Variants in SCAPER observed in about 807,000 individuals in gnomAD.
SCAPER encodes the protein S-phase cyclin A associated protein in the ER.
Under a neutral mutation model 182.2 loss-of-function variants are expected in SCAPER, and 98 were observed. That is an observed-to-expected ratio of 0.54 (90% CI 0.46 to 0.64). The LOEUF (loss-of-function observed/expected upper bound fraction) is 0.64. Among genes scored for constraint, SCAPER ranks in the 30% least tolerant of loss-of-function variants. The pLI, the probability that SCAPER is intolerant of heterozygous loss-of-function variation, is 0.00. For missense variants in SCAPER, 1,432 were observed against 1,690.0 expected, an observed-to-expected ratio of 0.85 and a Z score of 2.68; for synonymous variants, 605 against 564.6, an observed-to-expected ratio of 1.07 and a Z score of -1.01.
chr15:76,880,949 T>C (rs1391792159), intron 2 of SCAPER, among the ~76,000 whole-genome samples: 1 of 152,186 alleles, frequency 6.6e-6, no homozygotes, highest in Non-Finnish European at 1.5e-5. Flanking sequence ...TTGTGCACTG[T>C]TGGTGGGAAT....
chr15:76,531,270 C>T (rs2043638576), intron 23 of SCAPER, among the ~76,000 whole-genome samples: 1 of 152,244 alleles, frequency 6.6e-6, no homozygotes, highest in Admixed American at 6.5e-5. Context: ...ATCAGAAAAT[C>T]AAACCACTTG....
chr15:76,728,331 C>T (rs2060714486), intron 17 of SCAPER, among the ~76,000 whole-genome samples: 1 of 151,904 alleles, frequency 6.6e-6, no homozygotes, highest in African/African-American at 2.4e-5. Context: ...CCCTCAGTAT[C>T]TTCCCCAAAA....
intron 27 of SCAPER, among the ~76,000 whole-genome samples, chr15:76,397,700 C>T (rs1432532712): frequency 1.3e-5 from 2 of 152,106 alleles, no homozygotes; most frequent in African/African-American, 4.8e-5. Context: ...TGGTCTTGAA[C>T]TCCTGACCTC....
At chr15:76,567,921 C>T (rs1477711056) in intron 23 of SCAPER, among the ~76,000 whole-genome samples, 1 of 151,908 alleles carries the variant, frequency 6.6e-6, no homozygotes, top group Non-Finnish European at 1.5e-5. Context: ...TCTTTTGTGT[C>T]ATTTTCTTGT....
Position 76,733,273 on chromosome 15 carries a change from G to A in SCAPER, c.1978C>T (p.Gln660Ter). 1 of 1,602,504 alleles carries A rather than the reference G, an allele frequency of 6.2e-7. No individual in the cohort carries two copies. Among genetic ancestry groups the A allele is most frequent in the Non-Finnish European group, 8.5e-7 (1 of 1,173,978 alleles). ...QRLNELQEERQRRQEEKQARD... is the reference protein window; with the variant it reads ...QRLNELQEER Reference sequence around the variant, plus strand: ...GCTTGCTTTTCTTCCTGTCTTCTCTGACGCTCTTCCTGTAGCTCATTAAGC... The same window carrying A: ...GCTTGCTTTTCTTCCTGTCTTCTCTAACGCTCTTCCTGTAGCTCATTAAGC... Residue 660 changes from glutamine (Q) to a stop codon, truncating the protein, a stop_gained, in exon 16 of 32, where the codon CAG (glutamine) becomes TAG (stop). Transcript: ENST00000563290. LOFTEE classifies it high-confidence loss of function.
At chr15:76,724,569 G>A (rs1159148409) in intron 17 of SCAPER, among the ~76,000 whole-genome samples, 1 of 152,140 alleles carries the variant, frequency 6.6e-6, no homozygotes, top group Non-Finnish European at 1.5e-5. Flanking sequence ...ACACCAATGA[G>A]ACGTAGATTT....
chr15:76,443,144 T>C (rs995325776), intron 25 of SCAPER, among the ~76,000 whole-genome samples: 3 of 152,296 alleles, frequency 2.0e-5, no homozygotes, highest in Middle Eastern at 3.4e-3. Flanking sequence ...AAGTTGATTA[T>C]CTAGTTCATC....
At chr15:76,373,699 T>C (rs1271875128) in intron 29 of SCAPER, among the ~76,000 whole-genome samples, 3 of 152,202 alleles carry the variant, frequency 2.0e-5, no homozygotes, top group Non-Finnish European at 4.4e-5. Context: ...ACTGTCTATA[T>C]TTTAGCCATG....
intron 26 of SCAPER, among the ~76,000 whole-genome samples, chr15:76,420,757 C>T (rs1242655654): frequency 1.3e-5 from 2 of 152,158 alleles, no homozygotes; most frequent in Non-Finnish European, 2.9e-5. Context: ...TCTCCTAATG[C>T]TATCCCTCCA....
chr15:76,364,553 C>T (rs2041678450), intron 29 of SCAPER, among the ~76,000 whole-genome samples: 1 of 152,106 alleles, frequency 6.6e-6, no homozygotes, highest in Non-Finnish European at 1.5e-5. Flanking sequence ...AGTGAGATGG[C>T]CCCTGACCAG....
intron 20 of SCAPER, among the ~76,000 whole-genome samples, chr15:76,686,704 C>T (rs1158508064): frequency 6.6e-6 from 1 of 152,024 alleles, no homozygotes; most frequent in African/African-American, 2.4e-5. Flanking sequence ...CAAAACAGTA[C>T]AGCAACCAAA....
intron 5 of SCAPER, among the ~76,000 whole-genome samples, chr15:76,825,839 G>T (rs914961480): frequency 6.6e-6 from 1 of 152,122 alleles, no homozygotes; most frequent in Non-Finnish European, 1.5e-5. Context: ...CTCCCTCCTG[G>T]GTTTAAGCAA....
chr15:76,866,948 G>A (rs928143777), intron 2 of SCAPER, among the ~76,000 whole-genome samples: 13 of 152,034 alleles, frequency 8.6e-5, no homozygotes, highest in East Asian at 5.8e-4. Context: ...ACAGAGGCCT[G>A]TTCAAATACT....
intron 5 of SCAPER, among the ~76,000 whole-genome samples, chr15:76,834,707 G>A (rs1468108534): frequency 2.0e-5 from 3 of 152,058 alleles, no homozygotes; most frequent in African/African-American, 7.2e-5. Flanking sequence ...AATTGGCAAT[G>A]ACAAAGTTCA....
chr15:76,455,591 C>A lies in SCAPER; in HGVS notation c.3078+15621G>T, dbSNP rs967473061. Among the ~76,000 whole-genome samples, 3 of 152,198 alleles carry A rather than the reference C, an allele frequency of 2.0e-5. No homozygotes were observed. In the East Asian group the frequency reaches 5.8e-4, roughly 29 times the overall value. ...CTCTTGTGCTCAAGCAATTCTATCT[C>A]AGCCTTCTGAGAAGCTGGAATTATA... On this transcript the variant is annotated intron_variant, in intron 25 of 31. Transcript: ENST00000563290.
chr15:76,355,942 T>C (rs181445586), intron 29 of SCAPER, among the ~76,000 whole-genome samples: 1 of 152,234 alleles, frequency 6.6e-6, no homozygotes, highest in Admixed American at 6.5e-5. Context: ...CAAATGGATG[T>C]AGGCAGTTTG....
intron 23 of SCAPER, among the ~76,000 whole-genome samples, chr15:76,555,239 T>C (rs1387702697): frequency 6.6e-6 from 1 of 151,824 alleles, no homozygotes; most frequent in Admixed American, 6.6e-5. Flanking sequence ...CTTATGGGAG[T>C]GCTAAATATA....
At chr15:76,806,295 A>G (rs540431030) in intron 5 of SCAPER, among the ~76,000 whole-genome samples, 2 of 152,192 alleles carry the variant, frequency 1.3e-5, no homozygotes, top group Admixed American at 6.5e-5. Flanking sequence ...TGAAAATACT[A>G]TTCTTTCCCT....
chr15:76,511,873 A>G (rs537458), intron 23 of SCAPER, among the ~76,000 whole-genome samples: 58,582 of 95,684 alleles, frequency 0.61, 15,161 homozygotes, highest in East Asian at 0.75. Flanking sequence ...GTGTGTGTGT[A>G]TATATATATA....
Sources: allele counts gnomAD v4.1 joint callset (sites outside exome capture counted in the v4.1 genomes callset), GRCh38; gene constraint gnomAD v4.1.1; transcripts MANE v1.5; gene names NCBI Gene and HGNC (gene_info 2026-07-23, HGNC 2026-07-21).